The following SH3BP5 variants were observed in gnomAD, a reference collection of about 807,000 sequenced individuals.
SH3BP5 encodes the protein SH3 domain-binding protein 5.
Under a neutral mutation model 43.3 loss-of-function variants are expected in SH3BP5, and 22 were observed. That is an observed-to-expected ratio of 0.51 (90% CI 0.36 to 0.73). The LOEUF (loss-of-function observed/expected upper bound fraction) is 0.73, where lower values mean the gene tolerates loss of function less well. Ranked by LOEUF, SH3BP5 falls within the 30% of genes least tolerant of loss-of-function variation. The pLI, the probability that SH3BP5 is intolerant of heterozygous loss-of-function variation, is 0.00. For synonymous variants in SH3BP5, 255 were observed against 225.8 expected, an observed-to-expected ratio of 1.13 and a Z score of -1.16; for missense variants, 529 against 586.9, an observed-to-expected ratio of 0.90 and a Z score of 1.02.
At chr3:15,309,736 A>C (rs1480328641) in intron 2 of SH3BP5, among the ~76,000 whole-genome samples, 1 of 152,072 alleles carries the variant, frequency 6.6e-6, no homozygotes, top group African/African-American at 2.4e-5. Flanking sequence ...TAAGTGTGTG[A>C]CCATCAAAGG....
chr3:15,311,073 T>C (rs1319665484), intron 2 of SH3BP5, among the ~76,000 whole-genome samples: 3 of 152,128 alleles, frequency 2.0e-5, no homozygotes, highest in African/African-American at 4.8e-5. Flanking sequence ...TTAAGTGAGA[T>C]AAAGATGGGA....
rs759302450 is a variant in SH3BP5, at chr3:15,256,847, A to G, written c.1150+6T>C. ...TCTGGGACGGGGTGAGAAGGCTGCT[A>G]CTCACCTCGTTCTACTTCACATTCA... On this transcript the variant is annotated splice_donor_region_variant and intron_variant, in intron 8 of 8. Transcript: ENST00000383791. 1.2e-6 allele frequency: 2 copies of G among 1,602,792 alleles called. No individual in the cohort carries two copies. Among genetic ancestry groups the G allele is most frequent in the Non-Finnish European group, 1.7e-6 (2 of 1,171,730 alleles).
chr3:15,264,656 C>T (rs1373190342), intron 4 of SH3BP5, among the ~76,000 whole-genome samples: 1 of 152,174 alleles, frequency 6.6e-6, no homozygotes, highest in East Asian at 1.9e-4. Flanking sequence ...TGCTTGCTCA[C>T]ATGACTTCTC....
intron 4 of SH3BP5, among the ~76,000 whole-genome samples, chr3:15,265,797 C>T (rs192676801): frequency 6.6e-6 from 1 of 152,050 alleles, no homozygotes; most frequent in South Asian, 2.1e-4. Flanking sequence ...TCCGGAGCAG[C>T]ATACTCCGGA....
chr3:15,332,682 C>T, upstream of SH3BP5: 1 of 1,134,986 alleles, frequency 8.8e-7, no homozygotes, highest in Non-Finnish European at 1.1e-6. Context: ...CCGCCAGTCC[C>T]AGCTATCCAG....
chr3:15,336,450 G>A (rs1424544505), upstream of SH3BP5, among the ~76,000 whole-genome samples: 1 of 152,172 alleles, frequency 6.6e-6, no homozygotes, highest in East Asian at 1.9e-4. Flanking sequence ...TGGACATTGA[G>A]GAGCTAGGGT....
chr3:15,272,822 CCCCTG>C (rs1696854961), intron 3 of SH3BP5, among the ~76,000 whole-genome samples: 1 of 152,210 alleles, frequency 6.6e-6, no homozygotes, highest in Non-Finnish European at 1.5e-5. Flanking sequence ...CAGGGACCTG[CCCCTG>C]CTGTGGACTC....
intron 4 of SH3BP5, among the ~76,000 whole-genome samples, chr3:15,263,837 C>G (rs1696538751): frequency 6.6e-6 from 1 of 152,212 alleles, no homozygotes; most frequent in Non-Finnish European, 1.5e-5. Flanking sequence ...CTGCCTACCA[C>G]TCAGTGTTAT....
chr3:15,326,398 T>C (rs1188508081), intron 2 of SH3BP5, among the ~76,000 whole-genome samples: 1 of 152,206 alleles, frequency 6.6e-6, no homozygotes, highest in Non-Finnish European at 1.5e-5. Flanking sequence ...GAGAGCACGT[T>C]AGCAGCTACC....
intron 1 of SH3BP5, among the ~76,000 whole-genome samples, chr3:15,337,596 T>C (rs778660512): frequency 4.6e-5 from 7 of 152,098 alleles, no homozygotes; most frequent in Non-Finnish European, 1.0e-4. Context: ...AGTCCTTTAC[T>C]TGGGGAGACA....
chr3:15,309,166 A>ATAC (rs1697986568), intron 2 of SH3BP5, among the ~76,000 whole-genome samples: 1 of 152,232 alleles, frequency 6.6e-6, no homozygotes, highest in Non-Finnish European at 1.5e-5. Context: ...CACACAATAC[A>ATAC]TACTACTTGG....
At chr3:15,288,352 A>C (rs1697321282) in intron 3 of SH3BP5, among the ~76,000 whole-genome samples, 1 of 152,228 alleles carries the variant, frequency 6.6e-6, no homozygotes. Flanking sequence ...TAACCATCAC[A>C]TGTACTAAAG....
chr3:15,308,473 C>T (rs760686337), intron 2 of SH3BP5, among the ~76,000 whole-genome samples: 1 of 152,180 alleles, frequency 6.6e-6, no homozygotes, highest in Non-Finnish European at 1.5e-5. Flanking sequence ...TACTTACACA[C>T]GTTGAGCAAC....
intron 3 of SH3BP5, among the ~76,000 whole-genome samples, chr3:15,271,956 C>T (rs372744125): frequency 4.1e-4 from 62 of 152,042 alleles, no homozygotes; most frequent in African/African-American, 8.4e-4. Context: ...CACCCTCCCT[C>T]GTCCCACCAC....
At chr3:15,286,984 TTTAGAGG>T (rs1166917989) in intron 3 of SH3BP5, among the ~76,000 whole-genome samples, 5 of 152,128 alleles carry the variant, frequency 3.3e-5, no homozygotes, top group Non-Finnish European at 7.4e-5. Flanking sequence ...TGACCCATGG[TTTAGAGG>T]TTGGGAACAC....
rs1474365464 is a variant in SH3BP5, at chr3:15,271,889, TC to T, written c.331-2013del. On this transcript the variant is annotated intron_variant, in intron 3 of 8. Transcript: ENST00000383791. ...ACATCACAGTCACCACTCTACAGGC[TC>T]ACCTTGAATTCCCCAGCAGGGTAGA... 2.0e-4 allele frequency among the ~76,000 whole-genome samples: 31 copies of T among 152,182 alleles called. 1 individual carries two copies. The highest frequency in any genetic ancestry group is 7.2e-4 in the African/African-American group (30 of 41,528).
intron 3 of SH3BP5, among the ~76,000 whole-genome samples, chr3:15,278,896 G>A (rs577389679): frequency 3.4e-4 from 51 of 152,128 alleles, no homozygotes; most frequent in African/African-American, 1.1e-3. Flanking sequence ...TTGGTGAGGC[G>A]TGGTAACTCA....
At chr3:15,331,015 T>C (rs1293634926) in intron 1 of SH3BP5, among the ~76,000 whole-genome samples, 1 of 152,118 alleles carries the variant, frequency 6.6e-6, no homozygotes, top group Non-Finnish European at 1.5e-5. Flanking sequence ...ACCAGAATTA[T>C]TTTTCTGTAA....
At chr3:15,272,834 A>T (rs1321034360) in intron 3 of SH3BP5, among the ~76,000 whole-genome samples, 1 of 152,154 alleles carries the variant, frequency 6.6e-6, no homozygotes, top group African/African-American at 2.4e-5. Context: ...CCTGCTGTGG[A>T]CTCACCATGT....
Sources: gnomAD v4.1 joint callset for allele counts (sites outside exome capture counted in the v4.1 genomes callset) on GRCh38, gnomAD v4.1.1 for gene constraint, MANE v1.5 for transcripts, NCBI Gene and HGNC (gene_info 2026-07-23, HGNC 2026-07-21) for gene names.